The following MIPEP variants were observed in gnomAD, a reference collection of about 807,000 sequenced individuals.
MIPEP encodes mitochondrial intermediate peptidase.
MIPEP carries 79 observed loss-of-function variants against 90.3 expected under a neutral mutation model. That is an observed-to-expected ratio of 0.87 (90% CI 0.73 to 1.05). The LOEUF (loss-of-function observed/expected upper bound fraction) is 1.05, where lower values mean the gene tolerates loss of function less well. Ranked by LOEUF, MIPEP falls within the 50% of genes least tolerant of loss-of-function variation. The probability of loss-of-function intolerance (pLI) is 0.00; values close to 1 mark genes in which losing one functional copy is unlikely to be tolerated. For synonymous variants in MIPEP, 334 were observed against 315.8 expected, an observed-to-expected ratio of 1.06 and a Z score of -0.61; for missense variants, 940 against 905.6, an observed-to-expected ratio of 1.04 and a Z score of -0.49.
At chr13:23,764,335 TA>T (rs1952574011) in intron 16 of MIPEP, among the ~76,000 whole-genome samples, 1 of 152,200 alleles carries the variant, frequency 6.6e-6, no homozygotes, top group Non-Finnish European at 1.5e-5. Context: ...TCACTTGCTT[TA>T]GAACTTCAGA....
chr13:23,788,700 C>A (rs1357331389), intron 16 of MIPEP, among the ~76,000 whole-genome samples: 3 of 152,168 alleles, frequency 2.0e-5, no homozygotes, highest in Non-Finnish European at 4.4e-5. Flanking sequence ...TCTAGCCATT[C>A]CTTGAATGCT....
At chr13:23,770,694 C>A (rs1196563872) in intron 16 of MIPEP, among the ~76,000 whole-genome samples, 1 of 152,092 alleles carries the variant, frequency 6.6e-6, no homozygotes, top group Non-Finnish European at 1.5e-5. Context: ...CACCAGAGAC[C>A]GCCACTGCCC....
At chr13:23,731,492 A>T (rs1472333421) in intron 18 of MIPEP, among the ~76,000 whole-genome samples, 1 of 152,192 alleles carries the variant, frequency 6.6e-6, no homozygotes, top group African/African-American at 2.4e-5. Context: ...ATACATAAAA[A>T]CTAATTTGAG....
intron 1 of MIPEP, chr13:23,888,728 C>T (rs1871640578): frequency 2.0e-6 from 2 of 1,010,966 alleles, no homozygotes; most frequent in African/African-American, 1.7e-5. Flanking sequence ...CATGTGATGC[C>T]GCCTGTGAAC....
At chr13:23,884,786 T>C (rs1467045975) in intron 2 of MIPEP, among the ~76,000 whole-genome samples, 1 of 152,244 alleles carries the variant, frequency 6.6e-6, no homozygotes, top group East Asian at 1.9e-4. Context: ...CCCTCATGCC[T>C]AGACAGTGTC....
At chr13:23,835,648 G>A (rs74041407) in intron 14 of MIPEP, among the ~76,000 whole-genome samples, 3,286 of 152,272 alleles carry the variant, frequency 0.022, 130 homozygotes, top group African/African-American at 0.075. Flanking sequence ...TGTACACATG[G>A]ACAGTAAACA....
At chr13:23,752,764 T>C (rs528205551) in intron 18 of MIPEP, among the ~76,000 whole-genome samples, 29 of 152,280 alleles carry the variant, frequency 1.9e-4, no homozygotes, top group African/African-American at 6.7e-4. Context: ...ATGTGTTTAG[T>C]GGAGGATTAA....
chr13:23,748,827 C>T (rs1266609516), intron 18 of MIPEP, among the ~76,000 whole-genome samples: 1 of 152,192 alleles, frequency 6.6e-6, no homozygotes, highest in African/African-American at 2.4e-5. Context: ...CCTCCACATA[C>T]CTGGAGGCAC....
At chr13:23,836,187 AAACGCC>A in intron 14 of MIPEP, 47 bp downstream of exon 14, 1 of 1,186,422 alleles carries the variant, frequency 8.4e-7, no homozygotes, top group Non-Finnish European at 1.2e-6. Context: ...AGGATGTCAT[AAACGCC>A]AACTATCACA....
intron 16 of MIPEP, among the ~76,000 whole-genome samples, chr13:23,782,077 A>G (rs1449893189): frequency 6.6e-6 from 1 of 152,208 alleles, no homozygotes; most frequent in African/African-American, 2.4e-5. Context: ...ATATCCAGGA[A>G]TTGAACACAG....
intron 15 of MIPEP, among the ~76,000 whole-genome samples, chr13:23,809,013 C>G (rs1953142671): frequency 6.6e-6 from 1 of 152,160 alleles, no homozygotes; most frequent in South Asian, 2.1e-4. Flanking sequence ...CTCTCAAGAT[C>G]TGAAGAGGAG....
chr13:23,805,326 C>T (rs1465719544), intron 16 of MIPEP, among the ~76,000 whole-genome samples: 1 of 152,186 alleles, frequency 6.6e-6, no homozygotes, highest in Non-Finnish European at 1.5e-5. Context: ...AATCACTTAA[C>T]TACCTAGATG....
Position 23,833,787 on chromosome 13 carries a change from CGT to C in MIPEP, c.1653+2451_1653+2452del, listed in dbSNP as rs150718103. ...TGGTCCTCTTGTGTAGTCACCCCCG[CGT>C]GTGTGTCCTCCCACGCCCTGTGTTC... On this transcript the variant is annotated intron_variant, in intron 14 of 18. Transcript: ENST00000382172. Among the ~76,000 whole-genome samples, 918 of 152,294 alleles carry C rather than the reference CGT, an allele frequency of 6.0e-3. 9 individuals carry two copies. The highest frequency in any genetic ancestry group is 0.017 in the African/African-American group (712 of 41,550).
chr13:23,804,221 C>T lies in MIPEP; in HGVS notation c.1848+1729G>A, dbSNP rs150791549. Among the ~76,000 whole-genome samples, 344 of 152,210 alleles carry T rather than the reference C, an allele frequency of 2.3e-3. 2 individuals carry two copies. Among genetic ancestry groups the T allele is most frequent in the African/African-American group, 7.1e-3 (293 of 41,526 alleles). On this transcript the variant is annotated intron_variant, in intron 16 of 18. Coordinates refer to ENST00000382172, the MANE Select transcript of MIPEP (RefSeq NM_005932.4). ...CATAATTACTTTATTATTAGACCTACGATAAAAAAGGGCAGAAGGCAAGCA... is the reference window on the plus strand; with the variant it reads ...CATAATTACTTTATTATTAGACCTATGATAAAAAAGGGCAGAAGGCAAGCA...
chr13:23,805,375 T>A (rs1953096621), intron 16 of MIPEP, among the ~76,000 whole-genome samples: 1 of 152,180 alleles, frequency 6.6e-6, no homozygotes, highest in African/African-American at 2.4e-5. Context: ...TGCCTCCAAA[T>A]GAGCCCCAAA....
chr13:23,817,778 G>C (rs189024994), intron 14 of MIPEP, among the ~76,000 whole-genome samples: 13 of 152,136 alleles, frequency 8.5e-5, no homozygotes, highest in Admixed American at 8.5e-4. Flanking sequence ...TGATGGCAAA[G>C]GCACTTCCAT....
intron 16 of MIPEP, among the ~76,000 whole-genome samples, chr13:23,799,848 T>C (rs1296789730): frequency 6.6e-6 from 1 of 152,242 alleles, no homozygotes; most frequent in Admixed American, 6.5e-5. Context: ...CATTCTAGCT[T>C]TGAACAACTT....
Position 23,889,351 on chromosome 13 carries a change from G to A in MIPEP, c.-31C>T, listed in dbSNP as rs771009173. 1.8e-5 allele frequency: 23 copies of A among 1,294,342 alleles called. No individual in the cohort carries two copies. The highest frequency in any genetic ancestry group is 7.7e-5 in the African/African-American group (5 of 64,738). The allele number at this position is 1,294,342 out of a possible 1,614,324, so 80.2% of individuals were successfully genotyped here. The stretch of plus-strand genomic sequence containing the variant: ...CACCAGAGCAGTCCCTTCCTCCAAC[G>A]CAGATCCCTGCCCTGCTGCTTTCGC... On this transcript the variant is annotated 5_prime_UTR_variant, in exon 1 of 19. Transcript: ENST00000382172.
At chr13:23,879,592 G>C (rs573775632) in intron 3 of MIPEP, among the ~76,000 whole-genome samples, 16 of 152,010 alleles carry the variant, frequency 1.1e-4, no homozygotes, top group African/African-American at 3.6e-4. Flanking sequence ...GAATGCAGTG[G>C]CACAATCACA....
Sources: gnomAD v4.1 joint callset for allele counts (sites outside exome capture counted in the v4.1 genomes callset) on GRCh38, gnomAD v4.1.1 for gene constraint, MANE v1.5 for transcripts, NCBI Gene and HGNC (gene_info 2026-07-23, HGNC 2026-07-21) for gene names.